The following MRPS28 variants were observed in gnomAD, a reference collection of about 807,000 sequenced individuals.
MRPS28 encodes small ribosomal subunit protein bS1m.
Under a neutral mutation model 10.8 loss-of-function variants are expected in MRPS28, and 7 were observed. The observed-to-expected ratio is 0.65, with a 90% CI of 0.37 to 1.22. The LOEUF (loss-of-function observed/expected upper bound fraction) is 1.22. Among genes scored for constraint, MRPS28 ranks in the 50% most tolerant of loss-of-function variants. The pLI is 0.02. For synonymous variants in MRPS28, 121 were observed against 93.3 expected, an observed-to-expected ratio of 1.30 and a Z score of -1.71; for missense variants, 265 against 232.9, an observed-to-expected ratio of 1.14 and a Z score of -0.90.
chr8:80,018,922 T>A (rs1434116508), intron 1 of MRPS28, among the ~76,000 whole-genome samples: 1 of 152,190 alleles, frequency 6.6e-6, no homozygotes, highest in South Asian at 2.1e-4. Context: ...CATGTTATTA[T>A]CTGTGGGAGT....
intron 2 of MRPS28, among the ~76,000 whole-genome samples, chr8:79,926,585 T>C (rs946230481): frequency 6.6e-6 from 1 of 152,216 alleles, no homozygotes; most frequent in African/African-American, 2.4e-5. Flanking sequence ...CTAAAGATAC[T>C]AGAATACTAT....
chr8:80,004,138 G>C (rs561038165), intron 1 of MRPS28, among the ~76,000 whole-genome samples: 1 of 152,332 alleles, frequency 6.6e-6, no homozygotes, highest in African/African-American at 2.4e-5. Context: ...GAAGAGAGTA[G>C]TGGTTCTCCC....
Position 79,990,862 on chromosome 8 carries a change from G to A in MRPS28, c.395+12137C>T, listed in dbSNP as rs562641718. ...ATTCAAAATTAGCTGGGCATGGCGC[G>A]CGCCTGTAGTCCCAGCTACTCGGGA... is the stretch of plus-strand genomic sequence containing the variant. On this transcript the variant is annotated intron_variant, in intron 2 of 2. Transcript: ENST00000276585. 2.0e-4 allele frequency among the ~76,000 whole-genome samples: 30 copies of A among 151,614 alleles called. No homozygotes were observed. In the South Asian group the frequency reaches 2.9e-3, roughly 15 times the overall value.
intron 2 of MRPS28, among the ~76,000 whole-genome samples, chr8:79,962,925 T>C (rs998798232): frequency 2.0e-5 from 3 of 152,140 alleles, no homozygotes; most frequent in Admixed American, 6.6e-5. Context: ...ACATAATTGA[T>C]AGCCATAAGC....
At chr8:79,953,314 G>A (rs1366471065) in intron 2 of MRPS28, among the ~76,000 whole-genome samples, 1 of 152,212 alleles carries the variant, frequency 6.6e-6, no homozygotes, top group Non-Finnish European at 1.5e-5. Context: ...CAAAGGCAGA[G>A]GGTTCTACCA....
intron 2 of MRPS28, among the ~76,000 whole-genome samples, chr8:79,978,302 A>T: frequency 6.6e-6 from 1 of 150,460 alleles, no homozygotes. Flanking sequence ...TATTGCAACA[A>T]AAAGATGTTA....
chr8:79,980,690 T>C (rs953374990), intron 2 of MRPS28, among the ~76,000 whole-genome samples: 10 of 152,336 alleles, frequency 6.6e-5, no homozygotes, highest in African/African-American at 2.4e-4. Flanking sequence ...TTGGTGACTC[T>C]TGTCCATCAA....
intron 2 of MRPS28, among the ~76,000 whole-genome samples, chr8:79,983,685 T>C (rs1205306850): frequency 6.6e-6 from 1 of 151,946 alleles, no homozygotes; most frequent in African/African-American, 2.4e-5. Context: ...TGATGGAAGA[T>C]GAAATGAATG....
In MRPS28 at chr8:80,003,769, A is replaced by T. The variant is rs530952033; in HGVS notation, c.214-589T>A. 8.1e-4 allele frequency among the ~76,000 whole-genome samples: 123 copies of T among 152,278 alleles called. No homozygotes were observed. In the South Asian group the frequency reaches 0.012, roughly 15 times the overall value. On this transcript the variant is annotated intron_variant, in intron 1 of 2. Transcript: ENST00000276585. ...AAGCTGTGACAGACGGCACCTGGAA[A>T]ATCGGGTCACTCCCACCTTAATAGT...
At chr8:79,952,609 A>G (rs1807106117) in intron 2 of MRPS28, among the ~76,000 whole-genome samples, 1 of 152,204 alleles carries the variant, frequency 6.6e-6, no homozygotes. Flanking sequence ...TAGCAGATGC[A>G]TCCCTGTTTA....
At chr8:79,949,155 C>G in intron 2 of MRPS28, among the ~76,000 whole-genome samples, 1 of 152,156 alleles carries the variant, frequency 6.6e-6, no homozygotes, top group East Asian at 1.9e-4. Flanking sequence ...GTGGCTCACA[C>G]CTGTAATCCC....
intron 1 of MRPS28, among the ~76,000 whole-genome samples, chr8:80,026,815 AACTT>A (rs1215105269): frequency 1.3e-5 from 2 of 152,288 alleles, no homozygotes; most frequent in Non-Finnish European, 2.9e-5. Flanking sequence ...TGCCATGAAA[AACTT>A]AATTTTATTG....
intron 2 of MRPS28, among the ~76,000 whole-genome samples, chr8:79,921,071 G>C (rs895923235): frequency 5.3e-5 from 8 of 152,088 alleles, no homozygotes; most frequent in South Asian, 2.1e-4. Context: ...GCTTGTTTTT[G>C]TCAGGTTTGT....
At chr8:80,017,165 A>G (rs1244461752) in intron 1 of MRPS28, among the ~76,000 whole-genome samples, 2 of 152,204 alleles carry the variant, frequency 1.3e-5, no homozygotes, top group Non-Finnish European at 2.9e-5. Context: ...AAAATCCCAA[A>G]ATTCTTAGAG....
intron 2 of MRPS28, among the ~76,000 whole-genome samples, chr8:79,985,524 G>A (rs905866673): frequency 9.2e-5 from 14 of 152,002 alleles, no homozygotes; most frequent in African/African-American, 2.4e-4. Flanking sequence ...TTGATAGACC[G>A]CTAGCAAGGC....
chr8:80,015,782 C>CT (rs1809180162), intron 1 of MRPS28, among the ~76,000 whole-genome samples: 1 of 152,074 alleles, frequency 6.6e-6, no homozygotes, highest in Non-Finnish European at 1.5e-5. Context: ...ACTAAGGGCT[C>CT]TAACGGAAGA....
intron 2 of MRPS28, among the ~76,000 whole-genome samples, chr8:79,925,985 G>GAGAAA (rs1049781586): frequency 7.1e-6 from 1 of 140,090 alleles, no homozygotes; most frequent in African/African-American, 2.7e-5. Flanking sequence ...AGACCCTGTA[G>GAGAAA]AGAAAAGAAA....
chr8:79,959,109 A>G (rs1464739186), intron 2 of MRPS28, among the ~76,000 whole-genome samples: 4 of 152,076 alleles, frequency 2.6e-5, no homozygotes, highest in Non-Finnish European at 5.9e-5. Flanking sequence ...AAAGCACTAG[A>G]CTGTACAGGA....
chr8:79,960,497 T>C (rs1277646773), intron 2 of MRPS28, among the ~76,000 whole-genome samples: 1 of 152,158 alleles, frequency 6.6e-6, no homozygotes, highest in East Asian at 1.9e-4. Flanking sequence ...TCTCAATGTA[T>C]AGCAGTGTGA....
Sources: gnomAD v4.1 joint callset for allele counts (sites outside exome capture counted in the v4.1 genomes callset) on GRCh38, gnomAD v4.1.1 for gene constraint, MANE v1.5 for transcripts, NCBI Gene and HGNC (gene_info 2026-07-23, HGNC 2026-07-21) for gene names.